PSMG2: variants seen among roughly 807,000 people sequenced by gnomAD.
The protein encoded by PSMG2 is proteasome assembly chaperone 2.
In PSMG2, 21 loss-of-function variants were observed where a neutral mutation model predicts 31.5. The observed-to-expected ratio is 0.67, with a 90% CI of 0.47 to 0.96. PSMG2 has a LOEUF of 0.96. PSMG2 is among the 40% of genes least tolerant of loss of function. The probability of loss-of-function intolerance (pLI) is 0.00; values close to 1 mark genes in which losing one functional copy is unlikely to be tolerated. For missense variants in PSMG2, 318 were observed against 321.2 expected (o/e 0.99, Z 0.08); for synonymous variants, 120 against 110.4 (o/e 1.09, Z -0.54).
At chr18:12,666,214 G>C (rs1275876091) in intron 1 of PSMG2, among the ~76,000 whole-genome samples, 1 of 151,612 alleles carries the variant, frequency 6.6e-6, no homozygotes, top group East Asian at 1.9e-4. Context: ...TATATTCCCA[G>C]CTACTTAAGA....
intron 5 of PSMG2, among the ~76,000 whole-genome samples, chr18:12,722,053 A>G (rs1259817115): frequency 2.0e-5 from 3 of 152,060 alleles, no homozygotes; most frequent in African/African-American, 7.2e-5. Context: ...CCTGTCTGCA[A>G]TCTTGCCTTT....
intron 5 of PSMG2, 31 bp from the exon 6 acceptor site, chr18:12,724,468 G>T (rs1383352972): frequency 2.5e-6 from 4 of 1,569,276 alleles, no homozygotes; most frequent in Non-Finnish European, 3.4e-6. Flanking sequence ...CCCTATGAAA[G>T]AATACTGATT....
intron 6 of PSMG2, 81 bp downstream of exon 6, chr18:12,724,700 C>A: frequency 1.6e-6 from 2 of 1,274,778 alleles, no homozygotes; most frequent in Non-Finnish European, 2.1e-6. Flanking sequence ...CTAAGTAGAC[C>A]AAGTAAGTGA....
At chr18:12,673,114 C>T in intron 1 of PSMG2, 1 of 1,053,222 alleles carries the variant, frequency 9.5e-7, no homozygotes, top group South Asian at 3.4e-5. Context: ...AACAAAGTAG[C>T]ATTTATTAAA....
chr18:12,702,423 C>T, upstream of PSMG2: 1 of 1,323,554 alleles, frequency 7.6e-7, no homozygotes, highest in East Asian at 2.5e-5. Flanking sequence ...CCCGGGGCCG[C>T]CGGGCAGGAG....
chr18:12,702,986 C>T (rs113515856), upstream of PSMG2: 606 of 1,139,700 alleles, frequency 5.3e-4, 1 homozygote, highest in African/African-American at 8.9e-3. Flanking sequence ...GGCCCGGCGC[C>T]CAGGGACTCA....
chr18:12,674,457 A>G (rs1229514404), intron 1 of PSMG2: 4 of 996,764 alleles, frequency 4.0e-6, no homozygotes, highest in African/African-American at 3.4e-5. Context: ...AAAAAAAAAA[A>G]GGAAATTAAA....
chr18:12,684,140 T>C (rs1484583288), intron 1 of PSMG2, among the ~76,000 whole-genome samples: 3 of 151,854 alleles, frequency 2.0e-5, no homozygotes, highest in Admixed American at 6.6e-5. Flanking sequence ...TTCTCCTTTT[T>C]TTGTGTTTTT....
chr18:12,703,738 G>T (rs905058554), intron 1 of PSMG2, among the ~76,000 whole-genome samples: 4 of 152,204 alleles, frequency 2.6e-5, no homozygotes, highest in African/African-American at 7.2e-5. Flanking sequence ...AAGCTTGAAA[G>T]GGTATAGAAA....
chr18:12,696,599 C>G (rs1430001301), intron 1 of PSMG2, among the ~76,000 whole-genome samples: 1 of 152,046 alleles, frequency 6.6e-6, no homozygotes, highest in Non-Finnish European at 1.5e-5. Context: ...CAAAGTAATT[C>G]CATTATATGT....
intron 3 of PSMG2, 144 bp from the exon 4 acceptor site, chr18:12,718,373 C>G: frequency 4.4e-6 from 2 of 452,444 alleles, no homozygotes; most frequent in Non-Finnish European, 7.8e-6. Flanking sequence ...GGTTTAAGCA[C>G]AGTAAGTGGA....
At chr18:12,724,689 C>T (rs2040459494) in intron 6 of PSMG2, 70 bp downstream of exon 6, 9 of 1,328,624 alleles carry the variant, frequency 6.8e-6, no homozygotes, top group Non-Finnish European at 8.9e-6. Flanking sequence ...TTATATACTA[C>T]CTAAGTAGAC....
At chr18:12,709,601 C>G (rs1227261808) in intron 2 of PSMG2, among the ~76,000 whole-genome samples, 1 of 151,798 alleles carries the variant, frequency 6.6e-6, no homozygotes, top group Admixed American at 6.6e-5. Flanking sequence ...CGGGTTCAAG[C>G]AATTCTCTTG....
intron 1 of PSMG2, among the ~76,000 whole-genome samples, chr18:12,678,858 A>AGCCAGGAGAATTGCTTGAACCCGG (rs1280543420): frequency 6.6e-6 from 1 of 152,136 alleles, no homozygotes; most frequent in African/African-American, 2.4e-5. Flanking sequence ...CGGGAGGCTA[A>AGCCAGGAGAATTGCTTGAACCCGG]GCCAGGAGAA....
At chr18:12,697,100 C>T in intron 1 of PSMG2, 1 of 684,400 alleles carries the variant, frequency 1.5e-6, no homozygotes, top group South Asian at 2.5e-5. Flanking sequence ...AATTGTAACT[C>T]TAACGAAATT....
chr18:12,724,794 C>T (rs1313547042), intron 6 of PSMG2, 175 bp downstream of exon 6: 36 of 615,742 alleles, frequency 5.8e-5, no homozygotes, highest in Non-Finnish European at 6.9e-5. Flanking sequence ...GTTAACCAAC[C>T]TATTATTTAC....
chr18:12,663,701 A>G (rs992128534), intron 1 of PSMG2, among the ~76,000 whole-genome samples: 1 of 152,188 alleles, frequency 6.6e-6, no homozygotes, highest in Admixed American at 6.5e-5. Flanking sequence ...ACTGAATCAC[A>G]CTTTGCTGAT....
At chr18:12,667,521 G>C (rs553751210) in intron 1 of PSMG2, among the ~76,000 whole-genome samples, 1 of 152,184 alleles carries the variant, frequency 6.6e-6, no homozygotes, top group South Asian at 2.1e-4. Context: ...CAGCACTTTG[G>C]GAGGCCAAGG....
rs967816311 is a variant in PSMG2 at position 12,714,762 on chromosome 18, A to G, written c.288+2002A>G. Among the ~76,000 whole-genome samples, 10 of 151,584 alleles carry G rather than the reference A, an allele frequency of 6.6e-5. No homozygotes were observed. In the South Asian group the frequency reaches 1.0e-3, roughly 16 times the overall value. ...CATGCTTCAGCTTCCCCAAAGTGCA[A>G]TGGCGTGATCTCAGCTCACTGCAAC... On this transcript the variant is annotated intron_variant, in intron 3 of 6. Transcript: ENST00000317615.
Sources: allele counts gnomAD v4.1 joint callset (sites outside exome capture counted in the v4.1 genomes callset), GRCh38; gene constraint gnomAD v4.1.1; transcripts MANE v1.5; gene names NCBI Gene and HGNC (gene_info 2026-07-23, HGNC 2026-07-21).